Variants in SMIM3 observed in about 807,000 individuals in gnomAD.
SMIM3 encodes small integral membrane protein 3, also known as NGF-induced differentiation clone 67 protein.
SMIM3 carries 4 observed loss-of-function variants against 2.1 expected under a neutral mutation model. The observed-to-expected ratio is 1.89, with a 90% CI of 0.93 to 4.31. The LOEUF (loss-of-function observed/expected upper bound fraction) is 4.31. Ranked by LOEUF, SMIM3 falls within the 30% of genes most tolerant of loss-of-function variation. The probability of loss-of-function intolerance (pLI) is 0.01; values close to 1 mark genes in which losing one functional copy is unlikely to be tolerated. For missense variants in SMIM3, 79 were observed against 77.7 expected (o/e 1.02, Z -0.06); for synonymous variants, 29 against 30.8 (o/e 0.94, Z 0.19).
At chr5:150,780,428 G>A (rs965903686) in intron 1 of SMIM3, among the ~76,000 whole-genome samples, 1 of 152,148 alleles carries the variant, frequency 6.6e-6, no homozygotes, top group Non-Finnish European at 1.5e-5. Context: ...CTCCAGCCGG[G>A]ACCTCCTGTT....
rs752775488 is a variant in SMIM3, at chr5:150,795,550, T to C, written c.110T>C (p.Leu37Ser). 11 of 1,608,578 alleles carry C rather than the reference T, an allele frequency of 6.8e-6. No individual in the cohort carries two copies. The highest frequency in any genetic ancestry group is 5.0e-5 in the Admixed American group (3 of 59,616). ...ILATIVIMTS[L>S]LLCPATAVII... is the part of the protein sequence containing the mutation. Reference sequence around the variant, plus strand: ...GCCACCATTGTCATCATGACCTCGTTGTTGCTGTGCCCAGCCACTGCAGTA... The same window carrying C: ...GCCACCATTGTCATCATGACCTCGTCGTTGCTGTGCCCAGCCACTGCAGTA... The change falls in exon 2 of 2, where the codon TTG becomes TCG. Residue 37 changes from leucine to serine, a missense_variant. Leu to Ser is a moderately radical substitution (Grantham distance 145, BLOSUM62 -2). Transcript: ENST00000526627.
At chr5:150,793,200 T>C (rs1373094187) in intron 1 of SMIM3, among the ~76,000 whole-genome samples, 1 of 152,182 alleles carries the variant, frequency 6.6e-6, no homozygotes, top group Non-Finnish European at 1.5e-5. Context: ...ACACATTCCA[T>C]GCTCATGGAT....
intron 1 of SMIM3, among the ~76,000 whole-genome samples, chr5:150,790,687 A>C (rs1435256275): frequency 6.6e-6 from 1 of 152,186 alleles, no homozygotes; most frequent in African/African-American, 2.4e-5. Flanking sequence ...GGGGTCTTAA[A>C]GATTTGTTGA....
intron 1 of SMIM3, among the ~76,000 whole-genome samples, chr5:150,791,352 A>G (rs1753347708): frequency 1.3e-5 from 2 of 152,222 alleles, no homozygotes; most frequent in South Asian, 4.1e-4. Flanking sequence ...CTCAGTACTT[A>G]TTTATTCCTC....
Position 150,780,306 on chromosome 5 carries a change from T to C in SMIM3, c.-12+1334T>C, listed in dbSNP as rs139014982. ...GTTGAGCATGACATGCTCTTTGGTTTATGCAGGCCGCACAGCAGCCATCTA... is the reference window on the plus strand; with the variant it reads ...GTTGAGCATGACATGCTCTTTGGTTCATGCAGGCCGCACAGCAGCCATCTA... On this transcript the variant is annotated intron_variant, in intron 1 of 1. Coordinates refer to ENST00000526627, the MANE Select transcript of SMIM3 (RefSeq NM_032947.5). Among the ~76,000 whole-genome samples the C allele has an allele frequency of 2.9e-3, 449 of 152,218 alleles. 2 individuals carry two copies. Among genetic ancestry groups the C allele is most frequent in the Non-Finnish European group, 4.3e-3 (293 of 68,010 alleles).
chr5:150,789,613 G>C (rs1000564128), intron 1 of SMIM3, among the ~76,000 whole-genome samples: 2 of 152,180 alleles, frequency 1.3e-5, no homozygotes, highest in Non-Finnish European at 2.9e-5. Context: ...AGGGGGTCGA[G>C]GGGAAACTGA....
intron 1 of SMIM3, among the ~76,000 whole-genome samples, chr5:150,795,208 T>C (rs879218382): frequency 1.3e-5 from 2 of 152,192 alleles, no homozygotes; most frequent in Admixed American, 1.3e-4. Flanking sequence ...GGGCCAGTGG[T>C]TCAAGTAAGG....
At chr5:150,785,580 CTTTTTT>C (rs35273478) in intron 1 of SMIM3, among the ~76,000 whole-genome samples, 193 of 113,736 alleles carry the variant, frequency 1.7e-3, no homozygotes, top group African/African-American at 2.3e-3. Flanking sequence ...TATTTCTTTT[CTTTTTT>C]TTTTTTTTTT....
chr5:150,795,254 A>G (rs1055319975), intron 1 of SMIM3, among the ~76,000 whole-genome samples, 176 bp from the exon 2 acceptor site: 17 of 152,250 alleles, frequency 1.1e-4, no homozygotes, highest in South Asian at 2.1e-4. Context: ...TGTCTAGCAC[A>G]GGTCTGGCAA....
At chr5:150,795,362 G>T (rs1753391102) in intron 1 of SMIM3, 68 bp from the exon 2 acceptor site, 1 of 1,542,096 alleles carries the variant, frequency 6.5e-7, no homozygotes, top group African/African-American at 1.4e-5. Flanking sequence ...ACTCCTGAGG[G>T]TTTCCTTCTA....
chr5:150,791,281 T>C (rs1753346509), intron 1 of SMIM3, among the ~76,000 whole-genome samples: 1 of 152,180 alleles, frequency 6.6e-6, no homozygotes, highest in Non-Finnish European at 1.5e-5. Flanking sequence ...CTTAAAACTT[T>C]TGGAGTTCAC....
intron 1 of SMIM3, among the ~76,000 whole-genome samples, chr5:150,786,491 T>G (rs188683922): frequency 3.2e-3 from 489 of 152,332 alleles, no homozygotes; most frequent in Non-Finnish European, 5.5e-3. Context: ...TTTGCCATGT[T>G]GCTTAGGCTG....
At position 150,796,623 on chromosome 5, in the gene SMIM3, A is replaced by G. The variant is rs1297041824; in HGVS notation, c.*1000A>G. The G allele has an allele frequency of 6.6e-6, 1 of 152,388 alleles. No individual in the cohort carries two copies. Among genetic ancestry groups the G allele is most frequent in the Non-Finnish European group, 1.5e-5 (1 of 68,054 alleles). The allele number at this position is 152,388 out of a possible 1,614,324, so 9.4% of individuals were successfully genotyped here. The stretch of plus-strand genomic sequence containing the variant: ...GGAGCATCTTGGGATTTATTAAATT[A>G]TGTAAGAAGATAGCACAGATATCGG... On this transcript the variant is annotated 3_prime_UTR_variant, in exon 2 of 2. Coordinates refer to ENST00000526627, the MANE Select transcript of SMIM3 (RefSeq NM_032947.5).
At chr5:150,782,584 CT>C (rs1040040121) in intron 1 of SMIM3, among the ~76,000 whole-genome samples, 6 of 152,200 alleles carry the variant, frequency 3.9e-5, no homozygotes, top group Admixed American at 3.9e-4. Flanking sequence ...CAGTTCTCTT[CT>C]GCCTGGTATG....
At chr5:150,789,403 C>T (rs1753326120) in intron 1 of SMIM3, among the ~76,000 whole-genome samples, 1 of 152,036 alleles carries the variant, frequency 6.6e-6, no homozygotes, top group Non-Finnish European at 1.5e-5. Flanking sequence ...CGACTGGAAC[C>T]CATGTTACAT....
intron 1 of SMIM3, 28 bp downstream of exon 1, chr5:150,779,000 G>A (rs1440902643): frequency 4.2e-6 from 2 of 480,990 alleles, no homozygotes; most frequent in African/African-American, 4.0e-5. Flanking sequence ...GGGATTGTTT[G>A]TGGGGCTCTG....
chr5:150,779,061 C>T, intron 1 of SMIM3, 89 bp downstream of exon 1: 1 of 455,404 alleles, frequency 2.2e-6, no homozygotes, highest in Admixed American at 2.5e-5. Flanking sequence ...CGGCCCCTTT[C>T]CCCGGGCTCC....
chr5:150,787,654 A>G (rs1189825643), intron 1 of SMIM3, among the ~76,000 whole-genome samples: 2 of 152,196 alleles, frequency 1.3e-5, no homozygotes, highest in Non-Finnish European at 2.9e-5. Flanking sequence ...TAGTTTTTAT[A>G]GCTGTAAAAT....
intron 1 of SMIM3, among the ~76,000 whole-genome samples, chr5:150,783,352 C>T (rs1297259401): frequency 2.0e-5 from 3 of 152,208 alleles, no homozygotes; most frequent in African/African-American, 7.2e-5. Flanking sequence ...TGGAAGGGGT[C>T]CTATAAGGTG....
Sources: allele counts gnomAD v4.1 joint callset (sites outside exome capture counted in the v4.1 genomes callset), GRCh38; gene constraint gnomAD v4.1.1; transcripts MANE v1.5; gene names NCBI Gene and HGNC (gene_info 2026-07-23, HGNC 2026-07-21).